The following AKAP19 variants were observed in gnomAD, a reference collection of about 807,000 sequenced individuals.
AKAP19 encodes small A-kinase anchoring protein.
the AKAP19 span, among the ~76,000 whole-genome samples, chr2:190,169,960 T>C: frequency 6.6e-6 from 1 of 152,234 alleles, no homozygotes; most frequent in Admixed American, 6.5e-5. Flanking sequence ...GCTGTTAAAA[T>C]GTATTTTTGC....
the AKAP19 span, among the ~76,000 whole-genome samples, chr2:189,957,116 A>C: frequency 6.6e-6 from 1 of 152,180 alleles, no homozygotes; most frequent in Non-Finnish European, 1.5e-5. Context: ...TAGAGGTTGC[A>C]GTGAGCCGAG....
chr2:190,201,008 T>C, the AKAP19 span: 4 of 167,108 alleles, frequency 2.4e-5, no homozygotes, highest in East Asian at 5.8e-4. Flanking sequence ...TGGGCATTTA[T>C]TTCCAGTTTT....
At chr2:189,982,730 A>G in the AKAP19 span, among the ~76,000 whole-genome samples, 1 of 148,566 alleles carries the variant, frequency 6.7e-6, no homozygotes, top group Non-Finnish European at 1.5e-5. Context: ...TTTATGTTGT[A>G]TATGATCATT....
chr2:190,066,499 CTT>C, the AKAP19 span, among the ~76,000 whole-genome samples: 1 of 152,122 alleles, frequency 6.6e-6, no homozygotes, highest in Non-Finnish European at 1.5e-5. Flanking sequence ...TCTGATACCT[CTT>C]GTCATTAACT....
the AKAP19 span, among the ~76,000 whole-genome samples, chr2:190,198,824 C>A: frequency 2.0e-5 from 3 of 151,948 alleles, no homozygotes; most frequent in East Asian, 5.8e-4. Context: ...TCCTTAAGTC[C>A]CTTAAGAGGA....
At chr2:190,071,217 G>A in the AKAP19 span, among the ~76,000 whole-genome samples, 3 of 152,176 alleles carry the variant, frequency 2.0e-5, no homozygotes, top group Non-Finnish European at 2.9e-5. Context: ...AGAGACCGAG[G>A]CAGGAGGATT....
At chr2:190,180,124 T>C in the AKAP19 span, among the ~76,000 whole-genome samples, 1 of 152,372 alleles carries the variant, frequency 6.6e-6, no homozygotes. The surrounding 1 kb of genome is among the most constrained non-coding windows in gnomAD (Gnocchi z 6.8). Context: ...ATATGTCCTT[T>C]AAATGTTTAA....
chr2:190,139,423 G>A, the AKAP19 span, among the ~76,000 whole-genome samples: 1 of 152,048 alleles, frequency 6.6e-6, no homozygotes, highest in South Asian at 2.1e-4. Flanking sequence ...TGAATATGAA[G>A]GCTATATTAG....
chr2:190,058,735 G>A, the AKAP19 span, among the ~76,000 whole-genome samples: 4 of 151,898 alleles, frequency 2.6e-5, no homozygotes, highest in African/African-American at 9.7e-5. Context: ...GCCATTATTC[G>A]AAGGGAATGG....
At chr2:190,173,790 G>A in the AKAP19 span, among the ~76,000 whole-genome samples, 2 of 152,176 alleles carry the variant, frequency 1.3e-5, no homozygotes, top group East Asian at 1.9e-4. Flanking sequence ...ATTCAAGATC[G>A]AGAAAATTGT....
the AKAP19 span, among the ~76,000 whole-genome samples, chr2:190,117,486 C>A: frequency 1.3e-5 from 2 of 152,136 alleles, no homozygotes; most frequent in Non-Finnish European, 2.9e-5. Context: ...ATGCTACACA[C>A]AGTCTTTCAT....
At chr2:190,016,521 T>A in the AKAP19 span, among the ~76,000 whole-genome samples, 4 of 152,198 alleles carry the variant, frequency 2.6e-5, no homozygotes, top group Non-Finnish European at 2.9e-5. Context: ...AAGAGGAGAT[T>A]TGGATGGGGA....
chr2:190,051,930 C>T, the AKAP19 span, among the ~76,000 whole-genome samples: 373 of 151,918 alleles, frequency 2.5e-3, 3 homozygotes, highest in African/African-American at 8.4e-3. Flanking sequence ...CTCCACCTCC[C>T]GGGTTCACGC....
the AKAP19 span, among the ~76,000 whole-genome samples, chr2:189,915,422 A>G: frequency 0.012 from 1,848 of 152,256 alleles, 35 homozygotes; most frequent in African/African-American, 0.039. Context: ...AACTACTTCT[A>G]TATTCTTAGT....
chr2:190,192,273 G>GT, the AKAP19 span, among the ~76,000 whole-genome samples: 1 of 152,024 alleles, frequency 6.6e-6, no homozygotes, highest in East Asian at 1.9e-4. Context: ...TTTTATGGGT[G>GT]TATCTCTGGA....
At chr2:190,193,875 C>T in the AKAP19 span, among the ~76,000 whole-genome samples, 13 of 152,058 alleles carry the variant, frequency 8.5e-5, no homozygotes, top group Non-Finnish European at 1.5e-4. Context: ...AAGGTGAAAG[C>T]TTATATCACT....
At chr2:190,093,398 A>C in the AKAP19 span, among the ~76,000 whole-genome samples, 1 of 151,872 alleles carries the variant, frequency 6.6e-6, no homozygotes, top group African/African-American at 2.4e-5. Flanking sequence ...GTGCCACTGC[A>C]CTCCAGCCTG....
chr2:190,036,527 C>A, the AKAP19 span, among the ~76,000 whole-genome samples: 3 of 152,064 alleles, frequency 2.0e-5, no homozygotes, highest in Non-Finnish European at 4.4e-5. Context: ...AAACCGTAAA[C>A]AATGGCATTA....
At chr2:189,972,206 C>T in the AKAP19 span, among the ~76,000 whole-genome samples, 6 of 152,122 alleles carry the variant, frequency 3.9e-5, no homozygotes, top group Admixed American at 3.9e-4. Context: ...ATATGGCTAG[C>T]CAGTTTTCCC....
Sources: gnomAD v4.1 joint callset for allele counts (sites outside exome capture counted in the v4.1 genomes callset) on GRCh38, gnomAD v4.1.1 for gene constraint, Gnocchi (gnomAD v3.1) non-coding constraint, MANE v1.5 for transcripts, NCBI Gene and HGNC (gene_info 2026-07-23, HGNC 2026-07-21) for gene names.